Variants in CSK observed in about 807,000 individuals in gnomAD.
CSK encodes tyrosine-protein kinase CSK.
CSK carries 7 observed loss-of-function variants against 62.3 expected under a neutral mutation model. The ratio of observed to expected loss-of-function variants is 0.11; its 90% CI spans 0.06 to 0.21. The LOEUF is 0.21. Among genes scored for constraint, CSK ranks in the 10% least tolerant of loss-of-function variants. The pLI is 1.00. For missense variants in CSK, 294 were observed against 613.5 expected, an observed-to-expected ratio of 0.48 and a Z score of 5.50; for synonymous variants, 237 against 246.0, an observed-to-expected ratio of 0.96 and a Z score of 0.34.
At chr15:74,784,469 G>A (rs183233693) in intron 1 of CSK, among the ~76,000 whole-genome samples, 3 of 151,574 alleles carry the variant, frequency 2.0e-5, no homozygotes, top group Admixed American at 6.6e-5. Flanking sequence ...CAGGGCCTTT[G>A]AAGAAAGGAG....
intron 1 of CSK, among the ~76,000 whole-genome samples, chr15:74,792,545 G>A (rs1034423161): frequency 1.3e-5 from 2 of 152,266 alleles, no homozygotes; most frequent in South Asian, 2.1e-4. Context: ...AGAGTAGCCC[G>A]ACTCTTAAGT....
intron 1 of CSK, among the ~76,000 whole-genome samples, chr15:74,794,008 A>C (rs1567216700): frequency 6.6e-6 from 1 of 152,124 alleles, no homozygotes; most frequent in African/African-American, 2.4e-5. Context: ...CTTCAGGCAA[A>C]TTGTTCAACC....
At chr15:74,784,006 A>G (rs537987981) in intron 1 of CSK, among the ~76,000 whole-genome samples, 2 of 152,326 alleles carry the variant, frequency 1.3e-5, no homozygotes, top group East Asian at 3.9e-4. Flanking sequence ...TCAAGCTCCT[A>G]GTACCCTGGC....
chr15:74,785,900 T>C (rs2063508134), intron 1 of CSK, among the ~76,000 whole-genome samples: 1 of 151,958 alleles, frequency 6.6e-6, no homozygotes, highest in Non-Finnish European at 1.5e-5. Flanking sequence ...CCTGGGAAGA[T>C]GGGCTGCTGG....
chr15:74,788,198 G>A (rs971133657), intron 1 of CSK, among the ~76,000 whole-genome samples: 1 of 152,174 alleles, frequency 6.6e-6, no homozygotes, highest in East Asian at 1.9e-4. Flanking sequence ...TGTGTCCCTC[G>A]ACAGGCTCTT....
In CSK at chr15:74,793,052, C is replaced by T. The variant is rs180780114; in HGVS notation, c.-65-5181C>T. ...CATTTATTCATTCATTCAGGGGTCT[C>T]ATGACCCCACCAGGGAGGAGCCGTC... is the stretch of plus-strand genomic sequence containing the variant. On this transcript the variant is annotated intron_variant, in intron 1 of 12. Coordinates refer to ENST00000220003, the MANE Select transcript of CSK (RefSeq NM_004383.3). 6 of 152,350 alleles carry T rather than the reference C, an allele frequency of 3.9e-5. No homozygotes were observed. In the East Asian group the frequency reaches 1.2e-3, roughly 29 times the overall value. The allele number at this position is 152,350 out of a possible 1,614,324, so 9.4% of individuals were successfully genotyped here.
chr15:74,799,496 G>A lies in CSK; in HGVS notation c.462+5G>A. 6.2e-7 allele frequency: 1 copy of A among 1,611,568 alleles called. No individual in the cohort carries two copies. On this transcript the variant is annotated splice_donor_5th_base_variant and intron_variant, in intron 5 of 12. Coordinates refer to ENST00000220003, the MANE Select transcript of CSK (RefSeq NM_004383.3). ...AACCTCATGCAGCTGGTGGAGGTGA[G>A]CTGGGGGGTACAGAGCCTTGCTCCC...
At position 74,782,395 on chromosome 15, in the gene CSK, C is replaced by T. The variant is rs911464754; in HGVS notation, c.-391C>T. The T allele has an allele frequency of 2.0e-5, 3 of 151,554 alleles. No homozygotes were observed. Among genetic ancestry groups the T allele is most frequent in the Admixed American group, 6.6e-5 (1 of 15,256 alleles). The allele number at this position is 151,554 out of a possible 1,614,324, so 9.4% of individuals were successfully genotyped here. ...AGCGTCCGGGGCGGCCCCCGGCAGCCAGCGCGACGTTCCAAAATCGAACCT... is the reference window on the plus strand; with the variant it reads ...AGCGTCCGGGGCGGCCCCCGGCAGCTAGCGCGACGTTCCAAAATCGAACCT... On this transcript the variant is annotated 5_prime_UTR_variant, in exon 1 of 13. Coordinates refer to ENST00000220003, the MANE Select transcript of CSK (RefSeq NM_004383.3). This position sits in a 1 kb window ranked among gnomAD's most constrained non-coding sequence, Gnocchi z 5.7.
chr15:74,802,276 G>A, intron 12 of CSK, 55 bp from the exon 13 acceptor site: 2 of 1,508,730 alleles, frequency 1.3e-6, no homozygotes, highest in Non-Finnish European at 1.8e-6. Context: ...CTGCTGGGTA[G>A]GTGTCCTCTC....
chr15:74,789,463 C>T (rs2063583384), intron 1 of CSK, among the ~76,000 whole-genome samples: 1 of 152,226 alleles, frequency 6.6e-6, no homozygotes, highest in South Asian at 2.1e-4. Context: ...GCCTGGTGTC[C>T]TCTGCAGAAC....
At chr15:74,785,992 C>T (rs567521115) in intron 1 of CSK, among the ~76,000 whole-genome samples, 2 of 57,224 alleles carry the variant, frequency 3.5e-5, no homozygotes, top group East Asian at 4.3e-4. Context: ...TCTTCTCTCT[C>T]TCTCTCTCTC....
rs372947242 is a variant in CSK, at chr15:74,800,723, C to T, written c.599C>T (p.Thr200Ile). The change falls in exon 7 of 13, where the codon ACC becomes ATC. Residue 200 changes from threonine to isoleucine, a missense_variant. Thr to Ile is a moderately conservative substitution (Grantham distance 89). This residue lies in a region of CSK where 202 missense variants were observed against 415.7 expected (regional missense o/e 0.49). Coordinates refer to ENST00000220003, the MANE Select transcript of CSK (RefSeq NM_004383.3). The stretch of plus-strand genomic sequence containing the variant: ...ATGAAGGAGCTGAAGCTGCTGCAGA[C>T]CATCGGGAAGGGGGAGTTCGGAGGT... Reference protein sequence around the residue: ...LNMKELKLLQTIGKGEFGDVM... With the variant: ...LNMKELKLLQIIGKGEFGDVM... The T allele has an allele frequency of 4.4e-5, 69 of 1,569,518 alleles. No homozygotes were observed. Among genetic ancestry groups the T allele is most frequent in the Non-Finnish European group, 5.1e-5 (59 of 1,157,028 alleles).
Position 74,802,468 on chromosome 15 carries a change from C to G in CSK, c.1308C>G (p.Leu436=), listed in dbSNP as rs1459910236. 6.2e-7 allele frequency: 1 copy of G among 1,612,954 alleles called. No homozygotes were observed. Among genetic ancestry groups the G allele is most frequent in the Non-Finnish European group, 8.5e-7 (1 of 1,179,828 alleles). The part of the protein sequence containing the change: ...DAAMRPSFLQ[L]REQLEHIKTH... Reference sequence around the variant, plus strand: ...CCATGCGGCCCTCCTTCCTACAGCTCCGAGAGCAGCTTGAGCACATCAAAA... The same window carrying G: ...CCATGCGGCCCTCCTTCCTACAGCTGCGAGAGCAGCTTGAGCACATCAAAA... Residue 436 remains leucine, a synonymous_variant, in exon 13 of 13, where the codon CTC becomes CTG. Transcript: ENST00000220003.
At chr15:74,793,441 G>A (rs1208714615) in intron 1 of CSK, among the ~76,000 whole-genome samples, 3 of 152,136 alleles carry the variant, frequency 2.0e-5, no homozygotes, top group African/African-American at 7.2e-5. Context: ...GGTCCCCATG[G>A]CAACTCCTGG....
chr15:74,795,699 G>A (rs1166503432), intron 1 of CSK, among the ~76,000 whole-genome samples: 1 of 152,128 alleles, frequency 6.6e-6, no homozygotes, highest in African/African-American at 2.4e-5. Context: ...CTTTATTGAA[G>A]TAAATATACG....
chr15:74,802,143 G>C, intron 12 of CSK, 60 bp downstream of exon 12: 1 of 1,552,006 alleles, frequency 6.4e-7, no homozygotes, highest in Non-Finnish European at 8.8e-7. Flanking sequence ...TGGCAGGGGC[G>C]TGAGCCTCCT....
chr15:74,802,138 GGGGCGTGAGC>G lies in CSK; in HGVS notation c.1170+56_1170+65del, dbSNP rs2063802033. On this transcript the variant is annotated intron_variant, in intron 12 of 12. Transcript: ENST00000220003. The stretch of plus-strand genomic sequence containing the variant: ...TCTTGGAGCACCGGAGGGGTTGGCA[GGGGCGTGAGC>G]CTCCTTGGGCCCTGCCTCCCCAATC... 1.1e-5 allele frequency: 17 copies of G among 1,573,226 alleles called. No individual in the cohort carries two copies. In the African/African-American group the frequency reaches 2.0e-4, roughly 19 times the overall value.
chr15:74,800,648 G>A (rs780515574), intron 6 of CSK, 33 bp from the exon 7 acceptor site: 3 of 1,538,082 alleles, frequency 2.0e-6, no homozygotes, highest in Non-Finnish European at 2.6e-6. Context: ...TGTCCCTAGT[G>A]GCCTCCAGGC....
rs372423165 is a variant in CSK, at chr15:74,802,522, C to T, written c.*9C>T. The T allele has an allele frequency of 8.5e-5, 137 of 1,611,608 alleles. No homozygotes were observed. The highest frequency in any genetic ancestry group is 1.1e-4 in the Non-Finnish European group (128 of 1,179,586). ...ACGAGCTGCACCTGTGACGGCTGGC[C>T]TCCGCCTGGGTCATGGGCCTGTGGG... On this transcript the variant is annotated 3_prime_UTR_variant, in exon 13 of 13. Transcript: ENST00000220003.
Sources: gnomAD v4.1 joint callset for allele counts (sites outside exome capture counted in the v4.1 genomes callset) on GRCh38, gnomAD v4.1.1 for gene constraint, gnomAD v4.1.1 regional missense constraint, Gnocchi (gnomAD v3.1) non-coding constraint, MANE v1.5 for transcripts, NCBI Gene and HGNC (gene_info 2026-07-23, HGNC 2026-07-21) for gene names.